Variants in MSRB2 observed in about 807,000 individuals in gnomAD.
The protein encoded by MSRB2 is methionine sulfoxide reductase B2.
A neutral mutation model predicts 19.0 loss-of-function variants in MSRB2; 17 were observed. That is an observed-to-expected ratio of 0.89 (90% CI 0.61 to 1.34). MSRB2 has a LOEUF of 1.34. Ranked by LOEUF, MSRB2 falls within the 40% of genes most tolerant of loss-of-function variation. MSRB2 has a pLI of 0.00. For synonymous variants in MSRB2, 107 were observed against 99.7 expected, an observed-to-expected ratio of 1.07 and a Z score of -0.44; for missense variants, 208 against 237.6, an observed-to-expected ratio of 0.88 and a Z score of 0.82.
At chr10:23,117,180 G>A (rs1244497038) in intron 3 of MSRB2, among the ~76,000 whole-genome samples, 1 of 152,198 alleles carries the variant, frequency 6.6e-6, no homozygotes, top group Non-Finnish European at 1.5e-5. Flanking sequence ...TGATACAGAT[G>A]TAACAGACAG....
chr10:23,099,485 C>T (rs1175473268), intron 1 of MSRB2, among the ~76,000 whole-genome samples: 1 of 152,272 alleles, frequency 6.6e-6, no homozygotes, highest in South Asian at 2.1e-4. Context: ...ATGTCCTTTC[C>T]ATATTGTACT....
intron 4 of MSRB2, among the ~76,000 whole-genome samples, chr10:23,120,466 TC>T (rs1840169116): frequency 1.3e-5 from 2 of 152,208 alleles, no homozygotes; most frequent in African/African-American, 2.4e-5. Context: ...CAATTAATTG[TC>T]CCCACAGCTC....
At chr10:23,105,720 G>C (rs932448571) in intron 2 of MSRB2, among the ~76,000 whole-genome samples, 1 of 152,174 alleles carries the variant, frequency 6.6e-6, no homozygotes, top group Non-Finnish European at 1.5e-5. Flanking sequence ...AGTAGAGTAT[G>C]AATGTTTTTT....
At chr10:23,119,570 C>T in intron 4 of MSRB2, 119 bp downstream of exon 4, 1 of 1,193,250 alleles carries the variant, frequency 8.4e-7, no homozygotes, top group Non-Finnish European at 1.2e-6. Flanking sequence ...GTCTTCAGAA[C>T]ACATGGGGTT....
At chr10:23,119,052 G>T in intron 3 of MSRB2, 1 of 608,108 alleles carries the variant, frequency 1.6e-6, no homozygotes, top group Non-Finnish European at 3.1e-6. Context: ...TTAGATCCTT[G>T]TTGGATATCC....
At chr10:23,120,178 G>A (rs530258413) in intron 4 of MSRB2, among the ~76,000 whole-genome samples, 5 of 152,288 alleles carry the variant, frequency 3.3e-5, no homozygotes, top group African/African-American at 9.6e-5. Context: ...ACCCTGCAGC[G>A]TGTCACTGGC....
At chr10:23,102,817 A>G (rs1839939859) in intron 1 of MSRB2, among the ~76,000 whole-genome samples, 1 of 152,194 alleles carries the variant, frequency 6.6e-6, no homozygotes. Context: ...ATTACTTGAC[A>G]TTCTGCGTGA....
chr10:23,119,595 C>CTTTGT lies in MSRB2; in HGVS notation c.444+169_444+173dup, dbSNP rs367774870. On this transcript the variant is annotated intron_variant, in intron 4 of 4. Transcript: ENST00000376510. The stretch of plus-strand genomic sequence containing the variant: ...CACATGGGGTTTCTTTTTTGTTTTG[C>CTTTGT]TTTGTTTTGTTTTGTTTTGTTTTGT... 523 of 1,070,720 alleles carry CTTTGT rather than the reference C, an allele frequency of 4.9e-4. 1 individual carries two copies. Among genetic ancestry groups the CTTTGT allele is most frequent in the African/African-American group, 3.4e-3 (209 of 62,304 alleles). 66.3% of individuals were successfully genotyped at this position (1,070,720 alleles called of 1,614,324 possible). A position where few individuals can be genotyped will look rare whatever the true frequency, so the allele number is the denominator to read the frequency against.
chr10:23,116,409 C>T (rs371693397), intron 3 of MSRB2, among the ~76,000 whole-genome samples: 3 of 152,244 alleles, frequency 2.0e-5, no homozygotes, highest in South Asian at 2.1e-4. Context: ...TAACAGATCA[C>T]AGAAGGGGCT....
intron 3 of MSRB2, chr10:23,119,021 T>G (rs1588972383): frequency 1.8e-6 from 1 of 547,086 alleles, no homozygotes; most frequent in African/African-American, 1.9e-5. Flanking sequence ...TGCAACACAG[T>G]TCACAAAACA....
chr10:23,104,753 A>G (rs1839965829), intron 2 of MSRB2, among the ~76,000 whole-genome samples: 1 of 152,048 alleles, frequency 6.6e-6, no homozygotes, highest in African/African-American at 2.4e-5. Context: ...TTGACACGGT[A>G]CTTTGGCCAC....
chr10:23,105,564 G>C (rs1839979828), intron 2 of MSRB2, among the ~76,000 whole-genome samples: 1 of 152,110 alleles, frequency 6.6e-6, no homozygotes, highest in African/African-American at 2.4e-5. Context: ...TGAGAACATA[G>C]TGCCGCGTTG....
chr10:23,098,743 T>C (rs918905408), intron 1 of MSRB2, among the ~76,000 whole-genome samples: 1 of 152,222 alleles, frequency 6.6e-6, no homozygotes, highest in Non-Finnish European at 1.5e-5. Context: ...TAAATTGCTG[T>C]TTGATAAAAC....
intron 3 of MSRB2, among the ~76,000 whole-genome samples, chr10:23,115,314 C>CATAA: frequency 6.6e-6 from 1 of 152,316 alleles, no homozygotes; most frequent in South Asian, 2.1e-4. Context: ...TTATTAAAAT[C>CATAA]TATTGTGGGA....
chr10:23,100,542 C>T (rs1278900956), intron 1 of MSRB2, among the ~76,000 whole-genome samples: 9 of 152,078 alleles, frequency 5.9e-5, no homozygotes, highest in Non-Finnish European at 1.0e-4. Flanking sequence ...GGGGAGGCCT[C>T]GGGAAACTTA....
chr10:23,110,510 TC>T (rs1345964457), intron 3 of MSRB2, among the ~76,000 whole-genome samples, 192 bp downstream of exon 3: 1 of 152,242 alleles, frequency 6.6e-6, no homozygotes, highest in African/African-American at 2.4e-5. Flanking sequence ...GACTTTTTTT[TC>T]TAGCATTTAG....
At chr10:23,104,955 A>C (rs964161697) in intron 2 of MSRB2, among the ~76,000 whole-genome samples, 1 of 152,140 alleles carries the variant, frequency 6.6e-6, no homozygotes, top group Non-Finnish European at 1.5e-5. Flanking sequence ...GGTTGCTTCT[A>C]GCAGAACTCT....
At chr10:23,109,916 G>A (rs531395847) in intron 2 of MSRB2, among the ~76,000 whole-genome samples, 10 of 152,296 alleles carry the variant, frequency 6.6e-5, no homozygotes, top group Admixed American at 3.9e-4. Flanking sequence ...AAGGGAGACC[G>A]AAATCTCACA....
At chr10:23,103,414 C>T (rs1839946457) in intron 1 of MSRB2, among the ~76,000 whole-genome samples, 1 of 152,124 alleles carries the variant, frequency 6.6e-6, no homozygotes, top group South Asian at 2.1e-4. Flanking sequence ...TGATTAAAAA[C>T]ATTTATTATA....
Sources: allele counts gnomAD v4.1 joint callset (sites outside exome capture counted in the v4.1 genomes callset), GRCh38; gene constraint gnomAD v4.1.1; transcripts MANE v1.5; gene names NCBI Gene and HGNC (gene_info 2026-07-23, HGNC 2026-07-21).